Variants in PRKG1 observed in about 807,000 individuals in gnomAD.
PRKG1 encodes the protein cGMP-dependent protein kinase 1.
Under a neutral mutation model 88.1 loss-of-function variants are expected in PRKG1, and 35 were observed. That is an observed-to-expected ratio of 0.40 (90% confidence interval 0.30 to 0.53). PRKG1 has a LOEUF of 0.53. PRKG1 is among the 20% of genes least tolerant of loss of function. PRKG1 has a pLI of 0.59. For synonymous variants in PRKG1, 303 were observed against 292.5 expected (o/e 1.04, Z -0.37); for missense variants, 540 against 839.8 (o/e 0.64, Z 4.41).
chr10:51,240,929 G>A lies in PRKG1; in HGVS notation c.478+87599G>A, dbSNP rs941480802. 2.6e-5 allele frequency among the ~76,000 whole-genome samples: 4 copies of A among 152,328 alleles called. No homozygotes were observed. The South Asian group carries it at 8.3e-4, about 32-fold the overall frequency. ...TAGTTTTTATCTTTTCTAAAAGATG[G>A]ATTGAATGGAATTCTTCCATTTGTA... On this transcript the variant is annotated intron_variant, in intron 2 of 17. Coordinates refer to ENST00000373980, the MANE Select transcript of PRKG1 (RefSeq NM_006258.4).
At chr10:51,468,233 C>T (rs1020062849) in intron 3 of PRKG1, among the ~76,000 whole-genome samples, 1 of 151,788 alleles carries the variant, frequency 6.6e-6, no homozygotes, top group Non-Finnish European at 1.5e-5. Flanking sequence ...CTTGTTTACT[C>T]AGTGGTTTAG....
At chr10:51,099,173 T>C (rs1208470054) in intron 1 of PRKG1, among the ~76,000 whole-genome samples, 1 of 152,110 alleles carries the variant, frequency 6.6e-6, no homozygotes, top group Admixed American at 6.6e-5. Context: ...AAAGGAGCCC[T>C]TCTCTGAGGC....
chr10:51,052,319 T>C (rs1843572058), intron 1 of PRKG1, among the ~76,000 whole-genome samples: 1 of 152,170 alleles, frequency 6.6e-6, no homozygotes, highest in Non-Finnish European at 1.5e-5. Flanking sequence ...GAATTTAACC[T>C]GGAATTTTCT....
At chr10:51,232,275 A>G (rs1167712225) in intron 2 of PRKG1, among the ~76,000 whole-genome samples, 6 of 152,216 alleles carry the variant, frequency 3.9e-5, no homozygotes, top group African/African-American at 1.4e-4. Flanking sequence ...AAAACCTAAC[A>G]TATGGCCTTT....
At chr10:51,461,860 G>A (rs1277178140) in intron 2 of PRKG1, among the ~76,000 whole-genome samples, 1 of 152,150 alleles carries the variant, frequency 6.6e-6, no homozygotes, top group Non-Finnish European at 1.5e-5. Context: ...GTTGCCCCAT[G>A]GCAGCCTCAT....
chr10:51,988,082 C>A (rs1187123436), intron 5 of PRKG1, among the ~76,000 whole-genome samples: 1 of 151,976 alleles, frequency 6.6e-6, no homozygotes, highest in Non-Finnish European at 1.5e-5. Context: ...TCACAGGTAA[C>A]CACCATTCTA....
intron 9 of PRKG1, among the ~76,000 whole-genome samples, chr10:52,245,714 C>T (rs1027896543): frequency 1.3e-5 from 2 of 150,988 alleles, no homozygotes; most frequent in Non-Finnish European, 2.9e-5. Context: ...GCCAGGCTAA[C>T]TGATTTGCAT....
At chr10:52,215,929 C>A (rs1269821908) in intron 9 of PRKG1, among the ~76,000 whole-genome samples, 1 of 152,104 alleles carries the variant, frequency 6.6e-6, no homozygotes, top group Non-Finnish European at 1.5e-5. Context: ...AAACATTGTA[C>A]TTTTGTGCCC....
chr10:52,132,907 A>G (rs533412338), intron 7 of PRKG1, among the ~76,000 whole-genome samples: 1 of 152,226 alleles, frequency 6.6e-6, no homozygotes, highest in East Asian at 1.9e-4. Flanking sequence ...CACTGTGGAG[A>G]ACGGGGTATC....
intron 3 of PRKG1, among the ~76,000 whole-genome samples, chr10:51,755,232 G>A (rs12241624): frequency 0.019 from 2,908 of 152,248 alleles, 96 homozygotes; most frequent in African/African-American, 0.066. Context: ...GGATACTTAA[G>A]GAGAAGGTGT....
intron 2 of PRKG1, among the ~76,000 whole-genome samples, chr10:51,380,860 A>G (rs998153437): frequency 1.3e-5 from 2 of 152,024 alleles, no homozygotes; most frequent in Non-Finnish European, 2.9e-5. Flanking sequence ...GAAGATTGTA[A>G]CCCCATAGTA....
At chr10:52,145,014 G>A (rs1351543218) in intron 8 of PRKG1, among the ~76,000 whole-genome samples, 1 of 152,132 alleles carries the variant, frequency 6.6e-6, no homozygotes, top group African/African-American at 2.4e-5. Flanking sequence ...GGAAGTAACT[G>A]GCTGATTCAG....
intron 3 of PRKG1, among the ~76,000 whole-genome samples, chr10:51,802,315 A>T: frequency 6.6e-6 from 1 of 152,176 alleles, no homozygotes; most frequent in East Asian, 1.9e-4. Context: ...TTGCAATCTC[A>T]TCAAGCTATG....
At chr10:51,825,350 C>T (rs1474495952) in intron 4 of PRKG1, among the ~76,000 whole-genome samples, 1 of 152,104 alleles carries the variant, frequency 6.6e-6, no homozygotes, top group African/African-American at 2.4e-5. Context: ...CTCCTGTTAT[C>T]TGATCTTTGT....
intron 3 of PRKG1, among the ~76,000 whole-genome samples, chr10:51,724,021 C>T (rs939641321): frequency 2.6e-5 from 4 of 152,156 alleles, no homozygotes; most frequent in Admixed American, 6.5e-5. Context: ...AGCATTATTA[C>T]GGGTGTGTCG....
intron 2 of PRKG1, among the ~76,000 whole-genome samples, chr10:51,233,811 G>A (rs1157963936): frequency 6.6e-6 from 1 of 152,102 alleles, no homozygotes; most frequent in Admixed American, 6.6e-5. Flanking sequence ...CTTGATGTTA[G>A]TATTCGATTC....
At chr10:51,372,268 G>T (rs2879570) in intron 2 of PRKG1, among the ~76,000 whole-genome samples, 53,870 of 151,828 alleles carry the variant, frequency 0.35, 9,713 homozygotes, top group South Asian at 0.47. Flanking sequence ...ATTTAATCCT[G>T]CATTTTTGTG....
chr10:51,252,259 T>C (rs1201197525), intron 2 of PRKG1, among the ~76,000 whole-genome samples: 1 of 151,838 alleles, frequency 6.6e-6, no homozygotes, highest in East Asian at 1.9e-4. Context: ...AGTCTTCAGG[T>C]GATAACACTT....
At chr10:51,223,721 C>T (rs1412106621) in intron 2 of PRKG1, among the ~76,000 whole-genome samples, 3 of 152,018 alleles carry the variant, frequency 2.0e-5, no homozygotes, top group South Asian at 2.1e-4. Context: ...AACAATTCTT[C>T]GAGAAAGACA....
Sources: allele counts gnomAD v4.1 joint callset (sites outside exome capture counted in the v4.1 genomes callset), GRCh38; gene constraint gnomAD v4.1.1; transcripts MANE v1.5; gene names NCBI Gene and HGNC (gene_info 2026-07-23, HGNC 2026-07-21).